Variants in LHCGR observed in about 807,000 individuals in gnomAD.
LHCGR encodes luteinizing hormone/choriogonadotropin receptor, also known as lutropin-choriogonadotropic hormone receptor.
A neutral mutation model predicts 60.7 loss-of-function variants in LHCGR; 55 were observed. That is an observed-to-expected ratio of 0.91 (90% CI 0.73 to 1.13). LHCGR has a LOEUF of 1.13. LHCGR is among the 50% of genes most tolerant of loss of function. LHCGR has a pLI of 0.00. For missense variants in LHCGR, 862 were observed against 836.0 expected (o/e 1.03, Z -0.38); for synonymous variants, 337 against 316.5 (o/e 1.06, Z -0.69).
intron 6 of LHCGR, among the ~76,000 whole-genome samples, chr2:48,718,139 C>T (rs886987129): frequency 2.0e-5 from 3 of 152,038 alleles, no homozygotes; most frequent in Non-Finnish European, 2.9e-5. Context: ...ATGAGGAAGG[C>T]TTCCTTTGCT....
Position 48,688,719 on chromosome 2 carries a change from C to G in LHCGR, c.1078G>C (p.Asp360His). ...FNPCEDIMGY[D>H]FLRVLIWLIN... ...AGCCAAATCAGGACCCTAAGGAAGT[C>G]ATAGCCCATAATATCTTCACAGGGA... Residue 360 changes from aspartate (D) to histidine (H), a missense_variant, in exon 11 of 11, where the codon GAC becomes CAC. Asp to His is a moderately conservative substitution (Grantham distance 81, BLOSUM62 -1). Transcript: ENST00000294954. This position sits in a 1 kb window ranked among gnomAD's most constrained non-coding sequence, Gnocchi z 5.2. 6.2e-7 allele frequency: 1 copy of G among 1,614,150 alleles called. No individual in the cohort carries two copies. The highest frequency in any genetic ancestry group is 1.1e-5 in the South Asian group (1 of 91,072).
At chr2:48,731,074 A>G (rs1668964264) in intron 2 of LHCGR, among the ~76,000 whole-genome samples, 153 bp downstream of exon 2, 1 of 152,202 alleles carries the variant, frequency 6.6e-6, no homozygotes, top group Admixed American at 6.5e-5. Flanking sequence ...AAAGGTCTCT[A>G]GTTATTATTT....
rs1294905455 is a variant in LHCGR at position 48,754,133 on chromosome 2, A to C, written c.161+1378T>G. ...GAAACAAATTCTATCAGCATGGTCC[A>C]TTCCTTCAGGGAATGGACCTGACAA... On this transcript the variant is annotated intron_variant, in intron 1 of 10. Coordinates refer to ENST00000294954, the MANE Select transcript of LHCGR (RefSeq NM_000233.4). Among the ~76,000 whole-genome samples, 7 of 152,202 alleles carry C rather than the reference A, an allele frequency of 4.6e-5. No homozygotes were observed. In the East Asian group the frequency reaches 1.2e-3, roughly 25 times the overall value.
intron 3 of LHCGR, among the ~76,000 whole-genome samples, chr2:48,726,924 A>G (rs992830994): frequency 1.3e-5 from 2 of 152,182 alleles, no homozygotes; most frequent in Non-Finnish European, 2.9e-5. Context: ...CAGAACTTGG[A>G]TGTGACCCAG....
intron 10 of LHCGR, among the ~76,000 whole-genome samples, chr2:48,693,624 G>C (rs982387991): frequency 6.6e-6 from 1 of 152,220 alleles, no homozygotes; most frequent in Non-Finnish European, 1.5e-5. Flanking sequence ...GGGACACTGG[G>C]ATTATCTTTT....
chr2:48,717,875 G>A (rs7582969), intron 6 of LHCGR, among the ~76,000 whole-genome samples: 16,307 of 119,536 alleles, frequency 0.14, 1,165 homozygotes, highest in Middle Eastern at 0.38. Flanking sequence ...CCTCAGTCCT[G>A]CTTGTCTCAA....
At chr2:48,736,030 A>T (rs1367823867) in intron 1 of LHCGR, among the ~76,000 whole-genome samples, 1 of 152,036 alleles carries the variant, frequency 6.6e-6, no homozygotes, top group African/African-American at 2.4e-5. Flanking sequence ...CTACATGAAA[A>T]TGTGCTTGCT....
intron 2 of LHCGR, among the ~76,000 whole-genome samples, chr2:48,729,484 T>A (rs898122352): frequency 1.3e-5 from 2 of 152,192 alleles, no homozygotes; most frequent in African/African-American, 4.8e-5. Flanking sequence ...GTTTTTCTCT[T>A]ATTTATCTCT....
At chr2:48,739,585 TCTCG>T (rs1351281226) in intron 1 of LHCGR, among the ~76,000 whole-genome samples, 2 of 151,584 alleles carry the variant, frequency 1.3e-5, no homozygotes, top group African/African-American at 4.9e-5. Context: ...CACTGCATGT[TCTCG>T]CTCATAGGTG....
intron 8 of LHCGR, among the ~76,000 whole-genome samples, chr2:48,703,593 G>A (rs1448402080): frequency 6.6e-6 from 1 of 152,080 alleles, no homozygotes; most frequent in Non-Finnish European, 1.5e-5. Context: ...TCCTTGAAGA[G>A]GTCCTTCATA....
chr2:48,755,673 G>A lies in LHCGR; in HGVS notation c.-2C>T, dbSNP rs1670181106. 6.5e-7 allele frequency: 1 copy of A among 1,534,888 alleles called. No homozygotes were observed. Among genetic ancestry groups the A allele is most frequent in the African/African-American group, 1.4e-5 (1 of 72,952 alleles). On this transcript the variant is annotated 5_prime_UTR_variant, in exon 1 of 11. Coordinates refer to ENST00000294954, the MANE Select transcript of LHCGR (RefSeq NM_000233.4). ...CAGCGCCGAGAACCGCTGCTTCATG[G>A]CCGGCGAACTGGGCTTCTGCGGCTT...
At chr2:48,723,729 G>C in intron 4 of LHCGR, 33 bp from the exon 5 acceptor site, 1 of 1,478,944 alleles carries the variant, frequency 6.8e-7, no homozygotes, top group Non-Finnish European at 9.5e-7. Context: ...GGTGTGGGCA[G>C]AGAGTGGGTA....
intron 6 of LHCGR, chr2:48,721,919 A>G (rs1229280784): frequency 2.6e-6 from 1 of 391,430 alleles, no homozygotes. Flanking sequence ...TGGGAGGCCG[A>G]GGAGGGCAGG....
rs117088636 is a variant in LHCGR, at chr2:48,697,684, T to C, written c.866+931A>G. Among the ~76,000 whole-genome samples, 389 of 152,316 alleles carry C rather than the reference T, an allele frequency of 2.6e-3. 16 individuals carry two copies. In the East Asian group the frequency reaches 0.054, roughly 21 times the overall value. ...GCAGCATCTGGTGTCACTCTCTCAG[T>C]GCCTTATCTAAGTAATTGAATGGAT... On this transcript the variant is annotated intron_variant, in intron 9 of 10. Transcript: ENST00000294954.
chr2:48,723,067 G>A (rs1333353507), intron 6 of LHCGR, among the ~76,000 whole-genome samples: 1 of 152,164 alleles, frequency 6.6e-6, no homozygotes, highest in African/African-American at 2.4e-5. Flanking sequence ...TTCCTACTTG[G>A]AGAATATCCT....
At chr2:48,697,390 C>G (rs550699347) in intron 9 of LHCGR, among the ~76,000 whole-genome samples, 3 of 152,178 alleles carry the variant, frequency 2.0e-5, no homozygotes, top group Non-Finnish European at 2.9e-5. Context: ...AATATTGGCT[C>G]TCTTGTGTGT....
chr2:48,702,777 G>C (rs1231335837), intron 8 of LHCGR, among the ~76,000 whole-genome samples: 1 of 152,146 alleles, frequency 6.6e-6, no homozygotes, highest in East Asian at 1.9e-4. Context: ...AATCCTTTGG[G>C]TATATACCCA....
chr2:48,728,285 C>T (rs1558870632), intron 3 of LHCGR, among the ~76,000 whole-genome samples: 1 of 152,112 alleles, frequency 6.6e-6, no homozygotes, highest in African/African-American at 2.4e-5. Flanking sequence ...TAATTACCCC[C>T]ACTCTGCATG....
rs1558875244 is a variant in LHCGR at position 48,731,286 on chromosome 2, G to A, written c.174C>T (p.Tyr58=). 4 of 1,610,712 alleles carry A rather than the reference G, an allele frequency of 2.5e-6. No homozygotes were observed. The highest frequency in any genetic ancestry group is 3.3e-5 in the Admixed American group (2 of 59,944). ...GAGATGGGATCACTTTGACAGGGAG[G>A]TAGGCAAGTGATCTAGAAAAGAAAA... ...TAGLTRLSLA[Y]LPVKVIPSQA... The change falls in exon 2 of 11, where the codon TAC becomes TAT. Residue 58 remains tyrosine (Y), a synonymous_variant. Transcript: ENST00000294954.
Sources: allele counts gnomAD v4.1 joint callset (sites outside exome capture counted in the v4.1 genomes callset), GRCh38; gene constraint gnomAD v4.1.1; non-coding constraint Gnocchi (gnomAD v3.1); transcripts MANE v1.5; gene names NCBI Gene and HGNC (gene_info 2026-07-23, HGNC 2026-07-21).